UBE2V2: variants seen among roughly 807,000 people sequenced by gnomAD.
UBE2V2 encodes ubiquitin conjugating enzyme E2 V2, also known as ubiquitin-conjugating enzyme E2 variant 2.
UBE2V2 carries 9 observed loss-of-function variants against 17.2 expected under a neutral mutation model. The observed-to-expected ratio is 0.52, with a 90% confidence interval of 0.32 to 0.91. The LOEUF is 0.91. UBE2V2 is among the 40% of genes least tolerant of loss of function. The pLI, the probability that UBE2V2 is intolerant of heterozygous loss-of-function variation, is 0.04. For missense variants in UBE2V2, 133 were observed against 182.6 expected, an observed-to-expected ratio of 0.73 and a Z score of 1.56; for synonymous variants, 61 against 57.5, an observed-to-expected ratio of 1.06 and a Z score of -0.28.
chr8:48,050,466 G>A (rs2091528929), intron 3 of UBE2V2: 1 of 152,364 alleles, frequency 6.6e-6, no homozygotes, highest in African/African-American at 2.4e-5. Context: ...CCTGACCTTA[G>A]TTGATCCGCC....
At chr8:48,011,952 G>A (rs1019704524) in intron 1 of UBE2V2, among the ~76,000 whole-genome samples, 4 of 152,132 alleles carry the variant, frequency 2.6e-5, no homozygotes, top group Non-Finnish European at 5.9e-5. Context: ...CTGGCCAGAC[G>A]GAGACTTCTA....
intron 1 of UBE2V2, among the ~76,000 whole-genome samples, chr8:48,035,634 TG>T (rs1563854635): frequency 0.01 from 1,302 of 128,114 alleles, 37 homozygotes; most frequent in African/African-American, 0.04. Context: ...TTTTTTTTTG[TG>T]TGTGTGTGTG....
intron 1 of UBE2V2, among the ~76,000 whole-genome samples, chr8:48,022,219 C>G (rs1480839776): frequency 6.6e-6 from 1 of 150,926 alleles, no homozygotes; most frequent in Non-Finnish European, 1.5e-5. Context: ...CTTACTGCAA[C>G]CTTCGCCTCC....
At chr8:48,040,851 T>G (rs1333081789) in intron 1 of UBE2V2, among the ~76,000 whole-genome samples, 3 of 132,860 alleles carry the variant, frequency 2.3e-5, no homozygotes, top group African/African-American at 5.5e-5. Context: ...TGGGTTTTTT[T>G]TTTTTTTTTT....
intron 3 of UBE2V2, among the ~76,000 whole-genome samples, chr8:48,060,344 T>G (rs1490174672): frequency 6.6e-6 from 1 of 151,868 alleles, no homozygotes; most frequent in African/African-American, 2.4e-5. Context: ...ATTCCCCAGA[T>G]TTTGGGCGGT....
At position 48,017,380 on chromosome 8, in the gene UBE2V2, T is replaced by G. The variant is rs115749823; in HGVS notation, c.16+8910T>G. Among the ~76,000 whole-genome samples, 860 of 144,374 alleles carry G rather than the reference T, an allele frequency of 6.0e-3. 8 individuals are homozygous for G. Among genetic ancestry groups the G allele is most frequent in the African/African-American group, 0.021 (819 of 39,104 alleles). 94.7% of individuals were successfully genotyped at this position (144,374 alleles called of 152,430 possible). ...ACCATTCTGTATGTTCTCTCTCTCT[T>G]TTTTTTTTTTTTGGTGGAGTTTCGC... On this transcript the variant is annotated intron_variant, in intron 1 of 3. Coordinates refer to ENST00000523111, the MANE Select transcript of UBE2V2 (RefSeq NM_003350.3).
chr8:48,042,938 T>A, intron 1 of UBE2V2, 95 bp from the exon 2 acceptor site: 3 of 1,253,076 alleles, frequency 2.4e-6, no homozygotes, highest in Non-Finnish European at 3.1e-6. Flanking sequence ...TGGGAAATAA[T>A]TTATAAAGGT....
At chr8:48,005,539 T>C (rs1282972481), upstream of UBE2V2, among the ~76,000 whole-genome samples, 7 of 151,960 alleles carry the variant, frequency 4.6e-5, no homozygotes, top group African/African-American at 1.7e-4. Flanking sequence ...TACCCAGTAA[T>C]GGGATTGCTG....
At chr8:48,010,733 C>T (rs2091223410) in intron 1 of UBE2V2, among the ~76,000 whole-genome samples, 1 of 113,110 alleles carries the variant, frequency 8.8e-6, no homozygotes, top group African/African-American at 3.4e-5. Context: ...TCTCTCGCTT[C>T]TTTGCCCAGG....
At chr8:48,017,235 A>C (rs557963104) in intron 1 of UBE2V2, among the ~76,000 whole-genome samples, 1 of 152,216 alleles carries the variant, frequency 6.6e-6, no homozygotes, top group East Asian at 1.9e-4. Context: ...CTTTTGAGAA[A>C]TGTCTATTCA....
chr8:48,042,751 G>A lies in UBE2V2; in HGVS notation c.17-282G>A, dbSNP rs114468124. The A allele has an allele frequency of 9.6e-3, 2,127 of 220,474 alleles. 55 individuals are homozygous for A. The highest frequency in any genetic ancestry group is 0.044 in the African/African-American group (1,960 of 44,106). 13.7% of individuals were successfully genotyped at this position (220,474 alleles called of 1,614,324 possible). ...AACAGAAACATCAAATAGGGAAAAC[G>A]ATTTCCTTATGGTTGATTGACTTAC... On this transcript the variant is annotated intron_variant, in intron 1 of 3. Coordinates refer to ENST00000523111, the MANE Select transcript of UBE2V2 (RefSeq NM_003350.3).
At chr8:48,047,703 G>A (rs1173318610) in intron 2 of UBE2V2, among the ~76,000 whole-genome samples, 1 of 151,762 alleles carries the variant, frequency 6.6e-6, no homozygotes, top group East Asian at 1.9e-4. Flanking sequence ...GATTACAGGC[G>A]TGTGCTACCA....
intron 2 of UBE2V2, among the ~76,000 whole-genome samples, chr8:48,044,244 T>G (rs2091483508): frequency 6.6e-6 from 1 of 152,146 alleles, no homozygotes; most frequent in South Asian, 2.1e-4. Context: ...TACTGCAATC[T>G]CAGCCTCCTG....
chr8:48,007,614 T>C (rs936170189), upstream of UBE2V2, among the ~76,000 whole-genome samples: 5 of 147,950 alleles, frequency 3.4e-5, no homozygotes, highest in African/African-American at 1.0e-4. Context: ...TAGGTATCAC[T>C]ATGTTGTCCA....
At chr8:48,023,761 A>T (rs1002288900) in intron 1 of UBE2V2, among the ~76,000 whole-genome samples, 4 of 152,040 alleles carry the variant, frequency 2.6e-5, no homozygotes, top group Admixed American at 2.6e-4. Flanking sequence ...TTATAGCTCC[A>T]GCTACTTGGG....
At chr8:48,050,688 C>G (rs909722150) in intron 3 of UBE2V2, among the ~76,000 whole-genome samples, 1 of 61,814 alleles carries the variant, frequency 1.6e-5, no homozygotes. Context: ...AACTCCGTCT[C>G]AAAAAAAAAA....
At chr8:48,042,971 A>G (rs1234533965) in intron 1 of UBE2V2, 62 bp from the exon 2 acceptor site, 29 of 1,325,480 alleles carry the variant, frequency 2.2e-5, no homozygotes, top group Non-Finnish European at 2.7e-5. Flanking sequence ...AGCTGAATTT[A>G]AATACGTGTA....
chr8:48,035,620 T>G (rs1454316628), intron 1 of UBE2V2, among the ~76,000 whole-genome samples: 1 of 44,528 alleles, frequency 2.2e-5, no homozygotes, highest in African/African-American at 5.0e-5. Flanking sequence ...AAAATTATTG[T>G]TTTTTTTTTT....
chr8:48,001,614 C>CA, the UBE2V2 span, among the ~76,000 whole-genome samples: 1 of 151,952 alleles, frequency 6.6e-6, no homozygotes, highest in East Asian at 1.9e-4. Flanking sequence ...CAAAACAAAA[C>CA]AAAAAAACAC....
Sources: gnomAD v4.1 joint callset for allele counts (sites outside exome capture counted in the v4.1 genomes callset) on GRCh38, gnomAD v4.1.1 for gene constraint, MANE v1.5 for transcripts, NCBI Gene and HGNC (gene_info 2026-07-23, HGNC 2026-07-21) for gene names.